Variants in TLN2 observed in about 807,000 individuals in gnomAD.
TLN2 encodes the protein talin 2.
A neutral mutation model predicts 294.7 loss-of-function variants in TLN2; 118 were observed. The observed-to-expected ratio is 0.40, with a 90% CI of 0.34 to 0.47. The LOEUF is 0.47. Among genes scored for constraint, TLN2 ranks in the 20% least tolerant of loss-of-function variants. The probability of loss-of-function intolerance (pLI) is 0.84; values close to 1 mark genes in which losing one functional copy is unlikely to be tolerated. For missense variants in TLN2, 3,083 were observed against 3,282.2 expected, an observed-to-expected ratio of 0.94 and a Z score of 1.48; for synonymous variants, 1,431 against 1,304.5, an observed-to-expected ratio of 1.10 and a Z score of -2.09.
chr15:62,404,629 C>T (rs950445283), intron 1 of TLN2, among the ~76,000 whole-genome samples: 29 of 152,132 alleles, frequency 1.9e-4, no homozygotes, highest in African/African-American at 6.3e-4. Flanking sequence ...TACTTGGCAC[C>T]GCACCTAGGT....
chr15:62,520,785 C>T (rs926180081), intron 1 of TLN2, among the ~76,000 whole-genome samples: 13 of 152,106 alleles, frequency 8.5e-5, no homozygotes, highest in Non-Finnish European at 7.4e-5. Flanking sequence ...GAAGTTCTAT[C>T]TCTTAAGGGA....
intron 3 of TLN2, among the ~76,000 whole-genome samples, chr15:62,643,992 G>A (rs760246096): frequency 2.0e-5 from 3 of 152,062 alleles, no homozygotes; most frequent in Non-Finnish European, 2.9e-5. Flanking sequence ...CATGTGATGT[G>A]CACTTTTGGA....
intron 1 of TLN2, among the ~76,000 whole-genome samples, chr15:62,574,315 C>G (rs1353921253): frequency 6.6e-6 from 1 of 151,668 alleles, no homozygotes; most frequent in East Asian, 1.9e-4. Context: ...GGTGGCTCAG[C>G]CTGTAATTCC....
intron 1 of TLN2, among the ~76,000 whole-genome samples, chr15:62,469,566 T>G (rs561329359): frequency 6.6e-6 from 1 of 152,340 alleles, no homozygotes; most frequent in Non-Finnish European, 1.5e-5. Flanking sequence ...CCTGAATGGA[T>G]GGAGCAATGT....
intron 3 of TLN2, among the ~76,000 whole-genome samples, chr15:62,622,332 T>A (rs1278108824): frequency 6.6e-6 from 1 of 152,086 alleles, no homozygotes; most frequent in Non-Finnish European, 1.5e-5. Context: ...CTGTAAAAGT[T>A]GGGGATTTTG....
chr15:62,620,174 T>C (rs2048672730), intron 3 of TLN2, among the ~76,000 whole-genome samples: 3 of 152,082 alleles, frequency 2.0e-5, no homozygotes, highest in Admixed American at 2.0e-4. Flanking sequence ...AGAGACAGGG[T>C]CTTACTATAT....
chr15:62,452,049 C>T (rs780805436), intron 1 of TLN2, among the ~76,000 whole-genome samples: 10 of 152,086 alleles, frequency 6.6e-5, no homozygotes, highest in South Asian at 2.1e-4. Flanking sequence ...GCTTTCCTGT[C>T]GCCTGTGGAG....
chr15:62,737,039 G>T lies in TLN2; in HGVS notation c.3520G>T (p.Ala1174Ser). ...CATGCTCATTCAAGAGGCCAAGCAGGCCCTGATTGCACCTGGAGATGCAGA... is the reference window on the plus strand; with the variant it reads ...CATGCTCATTCAAGAGGCCAAGCAGTCCCTGATTGCACCTGGAGATGCAGA... ...SAMLIQEAKQ[A>S]LIAPGDAERQ... is the part of the protein sequence containing the mutation. Residue 1174 changes from alanine (A) to serine (S), a missense_variant, in exon 29 of 59, where the codon GCC becomes TCC. By Grantham distance (99) the Ala-to-Ser change is moderately conservative. Transcript: ENST00000636159. 1 of 1,614,238 alleles carries T rather than the reference G, an allele frequency of 6.2e-7. No individual in the cohort carries two copies.
At chr15:62,838,757 A>G (rs1345171373) in intron 57 of TLN2, 99 bp from the exon 58 acceptor site, 8 of 1,470,396 alleles carry the variant, frequency 5.4e-6, no homozygotes, top group East Asian at 2.3e-5. Context: ...TGGATAATCA[A>G]TTGACTCATG....
chr15:62,672,935 G>A (rs998155664), intron 9 of TLN2, among the ~76,000 whole-genome samples: 2 of 152,164 alleles, frequency 1.3e-5, no homozygotes, highest in Non-Finnish European at 2.9e-5. Flanking sequence ...GTTTAGCCAA[G>A]TCTTTTTGCA....
intron 1 of TLN2, among the ~76,000 whole-genome samples, chr15:62,554,081 C>A (rs946729210): frequency 6.6e-6 from 1 of 151,766 alleles, no homozygotes; most frequent in Non-Finnish European, 1.5e-5. Context: ...TGACTAGATG[C>A]AGTTGGGTAA....
At chr15:62,698,098 G>A (rs1046075787) in intron 15 of TLN2, among the ~76,000 whole-genome samples, 4 of 152,192 alleles carry the variant, frequency 2.6e-5, no homozygotes, top group African/African-American at 4.8e-5. Flanking sequence ...CATGACTTGT[G>A]TACAGGGACA....
intron 1 of TLN2, among the ~76,000 whole-genome samples, chr15:62,416,816 A>G (rs1194814954): frequency 6.6e-6 from 1 of 152,158 alleles, no homozygotes; most frequent in African/African-American, 2.4e-5. Context: ...CTCTGCCTGC[A>G]GTAAGGGTGT....
chr15:62,578,940 G>A (rs1390497351), intron 1 of TLN2, among the ~76,000 whole-genome samples: 2 of 152,148 alleles, frequency 1.3e-5, no homozygotes, highest in African/African-American at 4.8e-5. Context: ...GTGGACTGGT[G>A]TTAGAAAGAA....
At chr15:62,653,101 G>T in intron 6 of TLN2, 61 bp from the exon 7 acceptor site, 1 of 1,396,494 alleles carries the variant, frequency 7.2e-7, no homozygotes, top group East Asian at 2.5e-5. Flanking sequence ...CAGGCCTTAG[G>T]CTGGAAGAGG....
Position 62,842,209 on chromosome 15 carries a change from T to C in TLN2, c.*1599T>C, listed in dbSNP as rs185236027. ...AAGTGCTGCACGTATTAGAATTTTT[T>C]TTTTTCAGACCAGTAAAGTTAGAGA... On this transcript the variant is annotated 3_prime_UTR_variant, in exon 59 of 59. Transcript: ENST00000636159. 1.3e-5 allele frequency: 2 copies of C among 152,340 alleles called. No individual in the cohort carries two copies. The highest frequency in any genetic ancestry group is 3.9e-4 in the East Asian group (2 of 5,188). The allele number at this position is 152,340 out of a possible 1,614,324, so 9.4% of individuals were successfully genotyped here.
intron 1 of TLN2, among the ~76,000 whole-genome samples, chr15:62,529,713 A>G (rs1272882597): frequency 6.6e-6 from 1 of 152,278 alleles, no homozygotes; most frequent in East Asian, 1.9e-4. Flanking sequence ...AGCACAAGTG[A>G]TAGTATACCA....
intron 26 of TLN2, among the ~76,000 whole-genome samples, chr15:62,722,856 T>C (rs1254097779): frequency 1.3e-5 from 2 of 152,234 alleles, no homozygotes; most frequent in East Asian, 3.8e-4. Flanking sequence ...AGTGATCATA[T>C]ATTCCAGGTA....
intron 11 of TLN2, among the ~76,000 whole-genome samples, chr15:62,684,436 A>AC (rs2057120128): frequency 6.6e-6 from 1 of 151,758 alleles, no homozygotes; most frequent in South Asian, 2.1e-4. Flanking sequence ...CACTGATCTC[A>AC]CCCCTTGTGG....
Sources: gnomAD v4.1 joint callset for allele counts (sites outside exome capture counted in the v4.1 genomes callset) on GRCh38, gnomAD v4.1.1 for gene constraint, MANE v1.5 for transcripts, NCBI Gene and HGNC (gene_info 2026-07-23, HGNC 2026-07-21) for gene names.